The following PCDHGA1 variants were observed in gnomAD, a reference collection of about 807,000 sequenced individuals.
The protein encoded by PCDHGA1 is protocadherin gamma subfamily A, 1.
In PCDHGA1, 32 loss-of-function variants were observed where a neutral mutation model predicts 58.0. The ratio of observed to expected loss-of-function variants is 0.55; its 90% CI spans 0.42 to 0.74. PCDHGA1 has a LOEUF of 0.74. PCDHGA1 is among the 30% of genes least tolerant of loss of function. The probability of loss-of-function intolerance (pLI) is 0.00; values close to 1 mark genes in which losing one functional copy is unlikely to be tolerated. For missense variants in PCDHGA1, 1,205 were observed against 1,182.3 expected (o/e 1.02, Z -0.28); for synonymous variants, 498 against 501.1 (o/e 0.99, Z 0.08).
Position 141,477,310 on chromosome 5 carries a change from C to T in PCDHGA1, c.2422-17497C>T. On this transcript the variant is annotated intron_variant, in intron 1 of 3. Coordinates refer to ENST00000517417, the MANE Select transcript of PCDHGA1 (RefSeq NM_018912.3). This position sits in a 1 kb window ranked among gnomAD's most constrained non-coding sequence, Gnocchi z 4.9. ...AAGTTCCACCGGGTCTCCCTTTCAGCCTTACTTCTTCCCTCAAGAATTACT... is the reference window on the plus strand; with the variant it reads ...AAGTTCCACCGGGTCTCCCTTTCAGTCTTACTTCTTCCCTCAAGAATTACT... The T allele has an allele frequency of 6.2e-7, 1 of 1,614,154 alleles. No homozygotes were observed. Among genetic ancestry groups the T allele is most frequent in the Non-Finnish European group, 8.5e-7 (1 of 1,180,018 alleles).
intron 1 of PCDHGA1, among the ~76,000 whole-genome samples, chr5:141,454,204 T>G (rs1161344350): frequency 3.3e-5 from 5 of 152,170 alleles, no homozygotes; most frequent in Non-Finnish European, 1.5e-5. Context: ...GTGAATTTAT[T>G]GACATGAATG....
intron 2 of PCDHGA1, among the ~76,000 whole-genome samples, chr5:141,496,538 T>G (rs568286018): frequency 1.5e-4 from 23 of 152,266 alleles, no homozygotes; most frequent in African/African-American, 5.5e-4. Flanking sequence ...TGGCAGAGAT[T>G]CCAGCTTCTG....
chr5:141,380,851 A>G (rs1341551183), intron 1 of PCDHGA1, among the ~76,000 whole-genome samples: 1 of 152,282 alleles, frequency 6.6e-6, no homozygotes, highest in Admixed American at 6.5e-5. Flanking sequence ...ATGGATCAAG[A>G]CATTGAGAGC....
intron 1 of PCDHGA1, among the ~76,000 whole-genome samples, chr5:141,401,212 G>A (rs2094128608): frequency 6.6e-6 from 1 of 151,930 alleles, no homozygotes; most frequent in Non-Finnish European, 1.5e-5. Context: ...TGTGGTGGCG[G>A]GCGCCTGTAA....
At chr5:141,427,659 G>A (rs546743297) in intron 1 of PCDHGA1, 3 of 742,336 alleles carry the variant, frequency 4.0e-6, no homozygotes, top group East Asian at 5.3e-5. Context: ...CGTGGTCCAC[G>A]TGGCCGAAAA....
intron 1 of PCDHGA1, chr5:141,404,334 T>TC: frequency 6.2e-7 from 1 of 1,613,882 alleles, no homozygotes; most frequent in Non-Finnish European, 8.5e-7. Context: ...TCAGTCTACC[T>TC]CCCGGAAAAC....
intron 1 of PCDHGA1, chr5:141,364,438 G>T: frequency 6.2e-7 from 1 of 1,613,820 alleles, no homozygotes; most frequent in African/African-American, 1.3e-5. Flanking sequence ...ACTCGATGCC[G>T]GAGGAGCTGG....
Position 141,374,129 on chromosome 5 carries a change from C to T in PCDHGA1, c.2421+41024C>T. 4 of 1,603,566 alleles carry T rather than the reference C, an allele frequency of 2.5e-6. No individual in the cohort carries two copies. In the South Asian group the frequency reaches 4.4e-5, roughly 18 times the overall value. On this transcript the variant is annotated intron_variant, in intron 1 of 3. Transcript: ENST00000517417. ...TCCGCAGCGCAGCGAGCAGGTCCTG[C>T]TCCTCACGCTCCTGGGGACGCTGTG... is the stretch of plus-strand genomic sequence containing the variant.
At chr5:141,393,709 G>A (rs941272065) in intron 1 of PCDHGA1, 14 of 1,613,826 alleles carry the variant, frequency 8.7e-6, no homozygotes, top group Non-Finnish European at 9.3e-6. Context: ...GAAAATACTG[G>A]GGAAATATCA....
intron 1 of PCDHGA1, chr5:141,372,172 C>A: frequency 6.2e-7 from 1 of 1,613,722 alleles, no homozygotes; most frequent in Non-Finnish European, 8.5e-7. Flanking sequence ...AAGGTGGTGG[C>A]GGTGGACGCA....
chr5:141,335,434 A>C (rs1756565295), intron 1 of PCDHGA1, among the ~76,000 whole-genome samples: 1 of 152,228 alleles, frequency 6.6e-6, no homozygotes, highest in South Asian at 2.1e-4. Flanking sequence ...GATTTTAAAA[A>C]ATGAACTGAT....
At chr5:141,466,574 T>C (rs978880367) in intron 1 of PCDHGA1, among the ~76,000 whole-genome samples, 5 of 152,218 alleles carry the variant, frequency 3.3e-5, no homozygotes, top group Non-Finnish European at 5.9e-5. Flanking sequence ...CAACATTGTC[T>C]CATCCCTTCT....
chr5:141,497,702 G>A (rs904199928), intron 2 of PCDHGA1, among the ~76,000 whole-genome samples: 16 of 152,054 alleles, frequency 1.1e-4, no homozygotes, highest in African/African-American at 3.9e-4. Context: ...ACCACACCCA[G>A]CTCATTTTTG....
At chr5:141,390,012 G>A (rs370865188) in intron 1 of PCDHGA1, 2 of 1,614,034 alleles carry the variant, frequency 1.2e-6, no homozygotes, top group South Asian at 2.2e-5. Context: ...TCTGGCCATT[G>A]CCTTGCGCCT....
rs374154790 is a variant in PCDHGA1, at chr5:141,490,709, C to A, written c.2422-4098C>A. The A allele has an allele frequency of 3.2e-5, 52 of 1,614,218 alleles. No homozygotes were observed. In the African/African-American group the frequency reaches 6.3e-4, roughly 19 times the overall value. On this transcript the variant is annotated intron_variant, in intron 1 of 3. Coordinates refer to ENST00000517417, the MANE Select transcript of PCDHGA1 (RefSeq NM_018912.3). The surrounding 1 kb of genome is among the most constrained non-coding windows in gnomAD (Gnocchi z 5.4). ...GACACTGGGGATAATGCCCGCCTCA[C>A]CTACTCCATTGTAGGAAATCAGGTT...
Position 141,376,431 on chromosome 5 carries a change from A to T in PCDHGA1, c.2421+43326A>T, listed in dbSNP as rs372723180. On this transcript the variant is annotated intron_variant, in intron 1 of 3. Coordinates refer to ENST00000517417, the MANE Select transcript of PCDHGA1 (RefSeq NM_018912.3). ...TATGCCGACACGCTTATCAACCAGG[A>T]GAGCTATGAGAAAAGCGAGCCTCTT... The T allele has an allele frequency of 9.0e-5, 145 of 1,614,074 alleles. No homozygotes were observed. The highest frequency in any genetic ancestry group is 1.2e-4 in the Non-Finnish European group (143 of 1,180,046).
intron 1 of PCDHGA1, chr5:141,356,835 T>C: frequency 6.2e-7 from 1 of 1,614,144 alleles, no homozygotes; most frequent in Non-Finnish European, 8.5e-7. Context: ...TCAGCAGCAA[T>C]GTGTCACTGA....
chr5:141,511,288 C>G lies in PCDHGA1; in HGVS notation c.*115C>G. ...CTAACCCCCAGAATACTGGTAGGGG[C>G]CAAGGCCATGCTCCCCTTGGGAAAC... On this transcript the variant is annotated 3_prime_UTR_variant, in exon 4 of 4. Transcript: ENST00000517417. 6.6e-7 allele frequency: 1 copy of G among 1,518,266 alleles called. No homozygotes were observed. The highest frequency in any genetic ancestry group is 8.9e-7 in the Non-Finnish European group (1 of 1,129,706). The allele number at this position is 1,518,266 out of a possible 1,614,324, so 94.0% of individuals were successfully genotyped here.
intron 1 of PCDHGA1, chr5:141,416,686 T>C (rs1341005031): frequency 6.6e-6 from 1 of 152,244 alleles, no homozygotes; most frequent in African/African-American, 2.4e-5. Flanking sequence ...AGGGAAATTA[T>C]ATAAACAAAG....
Sources: allele counts gnomAD v4.1 joint callset (sites outside exome capture counted in the v4.1 genomes callset), GRCh38; gene constraint gnomAD v4.1.1; non-coding constraint Gnocchi (gnomAD v3.1); transcripts MANE v1.5; gene names NCBI Gene and HGNC (gene_info 2026-07-23, HGNC 2026-07-21).